The following ADAMTS17 variants were observed in gnomAD, a reference collection of about 807,000 sequenced individuals.
ADAMTS17 encodes the protein A disintegrin and metalloproteinase with thrombospondin motifs 17.
ADAMTS17 carries 113 observed loss-of-function variants against 141.5 expected under a neutral mutation model. The observed-to-expected ratio is 0.80, with a 90% confidence interval of 0.69 to 0.93. ADAMTS17 has a LOEUF of 0.93. Among genes scored for constraint, ADAMTS17 ranks in the 40% least tolerant of loss-of-function variants. ADAMTS17 has a pLI of 0.00. For synonymous variants in ADAMTS17, 768 were observed against 630.6 expected, an observed-to-expected ratio of 1.22 and a Z score of -3.27; for missense variants, 1,659 against 1,517.9, an observed-to-expected ratio of 1.09 and a Z score of -1.54.
At chr15:100,098,662 CAA>C (rs60619181) in intron 14 of ADAMTS17, among the ~76,000 whole-genome samples, 3 of 144,208 alleles carry the variant, frequency 2.1e-5, no homozygotes, top group Non-Finnish European at 3.0e-5. Flanking sequence ...GAGTCCGTCT[CAA>C]AAAAAAAAAA....
At chr15:100,213,268 C>G (rs183123248) in intron 7 of ADAMTS17, among the ~76,000 whole-genome samples, 1 of 152,270 alleles carries the variant, frequency 6.6e-6, no homozygotes, top group African/African-American at 2.4e-5. Flanking sequence ...GTAACAAGCT[C>G]TCTCTGTTTT....
At chr15:100,242,808 A>C (rs1338681167) in intron 7 of ADAMTS17, among the ~76,000 whole-genome samples, 1 of 152,220 alleles carries the variant, frequency 6.6e-6, no homozygotes, top group African/African-American at 2.4e-5. Flanking sequence ...TACTTCTTTA[A>C]AAAAATTATG....
intron 18 of ADAMTS17, among the ~76,000 whole-genome samples, chr15:100,002,921 C>T (rs1413758670): frequency 6.6e-6 from 1 of 152,032 alleles, no homozygotes; most frequent in Non-Finnish European, 1.5e-5. Context: ...GGTTACACAG[C>T]CCCCAGCACA....
chr15:100,026,292 G>A (rs540019906), intron 18 of ADAMTS17, among the ~76,000 whole-genome samples: 1 of 152,300 alleles, frequency 6.6e-6, no homozygotes, highest in African/African-American at 2.4e-5. Context: ...ATTGTACTGT[G>A]GATGTGCATT....
At chr15:100,090,742 T>C (rs1167197826) in intron 15 of ADAMTS17, among the ~76,000 whole-genome samples, 1 of 152,162 alleles carries the variant, frequency 6.6e-6, no homozygotes, top group African/African-American at 2.4e-5. Context: ...GCGCAGTGGC[T>C]CACGCCTGTA....
In ADAMTS17 at chr15:100,117,076, T is replaced by C. The variant is rs182646592; in HGVS notation, c.1722-63A>G. 5.3e-5 allele frequency: 81 copies of C among 1,533,546 alleles called. 1 individual carries two copies. In the African/African-American group the frequency reaches 1.0e-3, roughly 19 times the overall value. The allele number at this position is 1,533,546 out of a possible 1,614,324, so 95.0% of individuals were successfully genotyped here. A position where few individuals can be genotyped will look rare whatever the true frequency, so the allele number is the denominator to read the frequency against. ...GCGACCAAAGGGCAGGAGAGCTGTT[T>C]CCGTCTCTCTTGCCAGGGGGAGGAG... On this transcript the variant is annotated intron_variant, in intron 12 of 21. Transcript: ENST00000268070.
intron 12 of ADAMTS17, among the ~76,000 whole-genome samples, chr15:100,118,364 G>C (rs555075753): frequency 6.6e-6 from 1 of 152,176 alleles, no homozygotes; most frequent in Non-Finnish European, 1.5e-5. Flanking sequence ...GAGGAGAAAG[G>C]CCCCTTTCAT....
In ADAMTS17 at chr15:100,088,066, A is replaced by G. The variant is rs184277193; in HGVS notation, c.2137+8290T>C. On this transcript the variant is annotated intron_variant, in intron 15 of 21. Transcript: ENST00000268070. The stretch of plus-strand genomic sequence containing the variant: ...GTCAAATTGTCCCTGTTTGCAGATG[A>G]CATGACTGTATATCTAGAAAACCCC... Among the ~76,000 whole-genome samples the G allele has an allele frequency of 2.0e-5, 3 of 152,344 alleles. No homozygotes were observed. The East Asian group carries it at 5.8e-4, about 29-fold the overall frequency.
chr15:100,186,813 G>A (rs764639307), intron 8 of ADAMTS17, among the ~76,000 whole-genome samples: 3 of 152,136 alleles, frequency 2.0e-5, no homozygotes, highest in Non-Finnish European at 4.4e-5. Context: ...TAGGATTGTC[G>A]CTTTTATTTC....
At chr15:99,983,598 A>G (rs540536334) in intron 20 of ADAMTS17, among the ~76,000 whole-genome samples, 1 of 152,198 alleles carries the variant, frequency 6.6e-6, no homozygotes, top group African/African-American at 2.4e-5. Flanking sequence ...GGAAGAGGAA[A>G]ACACTCCAGG....
intron 7 of ADAMTS17, among the ~76,000 whole-genome samples, chr15:100,217,644 G>A (rs1218507476): frequency 6.6e-6 from 1 of 152,146 alleles, no homozygotes; most frequent in Non-Finnish European, 1.5e-5. Flanking sequence ...TCCTGGGTTA[G>A]GCAATGATTT....
In ADAMTS17 at chr15:100,051,956, T is replaced by A. The variant is rs2032184656; in HGVS notation, c.2296-225A>T. ...GTGAATGCAAACCATCGTGAGGGAG[T>A]TCTGTTCTTTCCTACCCAAGAGAGA... On this transcript the variant is annotated intron_variant, in intron 16 of 21. Coordinates refer to ENST00000268070, the MANE Select transcript of ADAMTS17 (RefSeq NM_139057.4). Among the ~76,000 whole-genome samples the A allele has an allele frequency of 2.6e-5, 4 of 152,108 alleles. No individual in the cohort carries two copies. The South Asian group carries it at 8.3e-4, about 32-fold the overall frequency.
intron 7 of ADAMTS17, among the ~76,000 whole-genome samples, chr15:100,223,651 TCA>T (rs927426426): frequency 6.6e-6 from 1 of 150,898 alleles, no homozygotes; most frequent in African/African-American, 2.5e-5. Flanking sequence ...AGATAGAACT[TCA>T]CACACACACA....
At chr15:100,303,801 C>A (rs1669466127) in intron 3 of ADAMTS17, among the ~76,000 whole-genome samples, 1 of 152,126 alleles carries the variant, frequency 6.6e-6, no homozygotes, top group African/African-American at 2.4e-5. Flanking sequence ...CTCATTGCAA[C>A]CTCTGCCTCC....
chr15:100,318,150 C>G (rs1160188808), intron 3 of ADAMTS17, among the ~76,000 whole-genome samples: 1 of 151,998 alleles, frequency 6.6e-6, no homozygotes, highest in African/African-American at 2.4e-5. Context: ...ATTTCTGACA[C>G]GCCTGAGTCC....
intron 7 of ADAMTS17, among the ~76,000 whole-genome samples, chr15:100,210,504 G>A (rs1596286365): frequency 6.6e-6 from 1 of 152,172 alleles, no homozygotes; most frequent in East Asian, 1.9e-4. Flanking sequence ...CAAATGAGGG[G>A]TGGAGCTGGG....
intron 15 of ADAMTS17, among the ~76,000 whole-genome samples, chr15:100,095,751 C>T (rs2035717765): frequency 6.6e-6 from 1 of 152,060 alleles, no homozygotes; most frequent in African/African-American, 2.4e-5. Context: ...ACAAAGCAGC[C>T]TGCAGCTGCA....
intron 15 of ADAMTS17, among the ~76,000 whole-genome samples, chr15:100,093,240 A>G (rs530546831): frequency 6.6e-6 from 1 of 152,130 alleles, no homozygotes; most frequent in East Asian, 1.9e-4. Flanking sequence ...TGGGCTGGAC[A>G]CTTCGCCACG....
At chr15:100,089,584 A>G (rs1202079330) in intron 15 of ADAMTS17, among the ~76,000 whole-genome samples, 6 of 151,886 alleles carry the variant, frequency 4.0e-5, no homozygotes, top group Admixed American at 3.9e-4. Flanking sequence ...AACCAACCCA[A>G]ATGTCCAACA....
Sources: allele counts gnomAD v4.1 joint callset (sites outside exome capture counted in the v4.1 genomes callset), GRCh38; gene constraint gnomAD v4.1.1; transcripts MANE v1.5; gene names NCBI Gene and HGNC (gene_info 2026-07-23, HGNC 2026-07-21).